PTPRD: variants seen among roughly 807,000 people sequenced by gnomAD.
PTPRD encodes the protein receptor-type tyrosine-protein phosphatase delta.
Under a neutral mutation model 214.5 loss-of-function variants are expected in PTPRD, and 34 were observed. The observed-to-expected ratio is 0.16, with a 90% CI of 0.12 to 0.21. The LOEUF (loss-of-function observed/expected upper bound fraction) is 0.21, where lower values mean the gene tolerates loss of function less well. Ranked by LOEUF, PTPRD falls within the 10% of genes least tolerant of loss-of-function variation. PTPRD has a pLI of 1.00. For missense variants in PTPRD, 2,545 were observed against 2,398.7 expected, an observed-to-expected ratio of 1.06 and a Z score of -1.27; for synonymous variants, 1,128 against 845.7, an observed-to-expected ratio of 1.33 and a Z score of -5.79.
At chr9:9,007,308 G>C (rs2099479203) in intron 11 of PTPRD, among the ~76,000 whole-genome samples, 1 of 150,288 alleles carries the variant, frequency 6.7e-6, no homozygotes, top group Non-Finnish European at 1.5e-5. Flanking sequence ...AGATGACTTT[G>C]TGCTAACTGG....
rs762428743 is a variant in PTPRD at position 8,485,882 on chromosome 9, T to C, written c.2935A>G (p.Met979Val). ...EQLIVPADTT[M>V]TLTGLKPDTT... ...TCTGGTTTTAAGCCAGTGAGTGTCA[T>C]AGTGGTGTCAGCTGGAACAATAAGC... Residue 979 changes from methionine (M) to valine (V), a missense_variant, in exon 28 of 46, where the codon ATG becomes GTG. Physicochemically the swap from Met to Val is conservative, Grantham distance 21. Coordinates refer to ENST00000381196, the MANE Select transcript of PTPRD (RefSeq NM_002839.4). The C allele has an allele frequency of 1.2e-5, 19 of 1,614,066 alleles. No individual in the cohort carries two copies. The highest frequency in any genetic ancestry group is 4.4e-5 in the South Asian group (4 of 91,080).
chr9:9,881,776 G>C (rs36095792), intron 5 of PTPRD, among the ~76,000 whole-genome samples: 4,293 of 152,194 alleles, frequency 0.028, 166 homozygotes, highest in African/African-American at 0.093. Context: ...CATATCATTT[G>C]CTTTAGCCAA....
intron 2 of PTPRD, among the ~76,000 whole-genome samples, chr9:10,489,857 G>A (rs1352848036): frequency 1.3e-5 from 2 of 152,112 alleles, no homozygotes; most frequent in Non-Finnish European, 1.5e-5. Flanking sequence ...CATGCATAAA[G>A]CTGCAGCTGC....
intron 12 of PTPRD, among the ~76,000 whole-genome samples, chr9:8,643,445 G>T (rs2096619925): frequency 1.3e-5 from 2 of 152,216 alleles, no homozygotes; most frequent in African/African-American, 4.8e-5. Flanking sequence ...GGTTATGAGT[G>T]AGAGAACTTC....
intron 2 of PTPRD, among the ~76,000 whole-genome samples, chr9:10,526,717 C>G (rs544281037): frequency 1.3e-5 from 2 of 152,048 alleles, no homozygotes; most frequent in African/African-American, 4.8e-5. Flanking sequence ...ATTTCTTCCA[C>G]CCACCCCTAC....
chr9:8,966,251 G>T (rs1004358482), intron 11 of PTPRD, among the ~76,000 whole-genome samples: 2 of 151,868 alleles, frequency 1.3e-5, no homozygotes, highest in African/African-American at 4.8e-5. Flanking sequence ...GAAAAAAACT[G>T]CTAATATTCA....
intron 9 of PTPRD, among the ~76,000 whole-genome samples, chr9:9,205,216 A>G (rs1327566452): frequency 2.6e-5 from 4 of 152,194 alleles, no homozygotes; most frequent in African/African-American, 9.6e-5. Context: ...TTTTCAAGTG[A>G]ATTCCCATCA....
intron 11 of PTPRD, among the ~76,000 whole-genome samples, chr9:8,946,823 C>T (rs55765429): frequency 0.015 from 2,312 of 151,966 alleles, 41 homozygotes; most frequent in African/African-American, 0.046. Context: ...TTTTTTTCCC[C>T]CCATAATTTC....
At chr9:9,671,432 A>C (rs1564449206) in intron 7 of PTPRD, among the ~76,000 whole-genome samples, 1 of 139,972 alleles carries the variant, frequency 7.1e-6, no homozygotes, top group African/African-American at 2.4e-5. Flanking sequence ...TTTTAGGTTA[A>C]TGCTGAAATG....
intron 10 of PTPRD, among the ~76,000 whole-genome samples, chr9:9,139,827 A>AT (rs1474575462): frequency 4.6e-5 from 7 of 152,222 alleles, no homozygotes; most frequent in African/African-American, 1.7e-4. Context: ...GTGGCTTTCT[A>AT]TGAGGTTGTG....
At chr9:8,728,508 T>C (rs2098613161) in intron 12 of PTPRD, among the ~76,000 whole-genome samples, 1 of 152,102 alleles carries the variant, frequency 6.6e-6, no homozygotes, top group Admixed American at 6.5e-5. Flanking sequence ...AAAACCAAAA[T>C]CTTTTTAATA....
chr9:8,347,074 C>A (rs1277297817), intron 39 of PTPRD, among the ~76,000 whole-genome samples: 2 of 151,462 alleles, frequency 1.3e-5, no homozygotes, highest in African/African-American at 4.8e-5. Flanking sequence ...GATGTTGGAT[C>A]ATATCCCCTG....
At chr9:10,381,501 G>A (rs538420637) in intron 2 of PTPRD, among the ~76,000 whole-genome samples, 1 of 152,002 alleles carries the variant, frequency 6.6e-6, no homozygotes, top group Admixed American at 6.6e-5. Flanking sequence ...TTTAAGCACA[G>A]AATTATGGTC....
At position 8,666,824 on chromosome 9, in the gene PTPRD, C is replaced by T. The variant is rs569171804; in HGVS notation, c.65-29980G>A. On this transcript the variant is annotated intron_variant, in intron 12 of 45. Coordinates refer to ENST00000381196, the MANE Select transcript of PTPRD (RefSeq NM_002839.4). The stretch of plus-strand genomic sequence containing the variant: ...TGAATGCTACACCACCTGGATTCAA[C>T]AATACATATCACTTTGGCCATCCAT... Among the ~76,000 whole-genome samples the T allele has an allele frequency of 5.9e-5, 9 of 152,272 alleles. No individual in the cohort carries two copies. In the South Asian group the frequency reaches 1.7e-3, roughly 28 times the overall value.
intron 8 of PTPRD, among the ~76,000 whole-genome samples, chr9:9,480,759 C>T (rs760867134): frequency 4.6e-5 from 7 of 151,880 alleles, no homozygotes; most frequent in Non-Finnish European, 7.4e-5. Flanking sequence ...GATAAAAATA[C>T]AACATTAACA....
At chr9:8,521,991 T>G (rs763594396) in intron 19 of PTPRD, among the ~76,000 whole-genome samples, 3 of 152,228 alleles carry the variant, frequency 2.0e-5, no homozygotes, top group Non-Finnish European at 4.4e-5. Context: ...CACTTCCAGT[T>G]GATGTGAATG....
intron 2 of PTPRD, among the ~76,000 whole-genome samples, chr9:10,595,212 A>T (rs1052253972): frequency 6.6e-6 from 1 of 151,938 alleles, no homozygotes; most frequent in Non-Finnish European, 1.5e-5. Flanking sequence ...GACTGTATTA[A>T]TTATCTAGGC....
At chr9:8,330,766 A>T (rs1447425537) in intron 44 of PTPRD, among the ~76,000 whole-genome samples, 1 of 152,170 alleles carries the variant, frequency 6.6e-6, no homozygotes, top group African/African-American at 2.4e-5. Context: ...CTATTTTGAG[A>T]TCCTGCCTTC....
intron 9 of PTPRD, among the ~76,000 whole-genome samples, chr9:9,185,515 T>A (rs10511522): frequency 0.17 from 26,209 of 152,030 alleles, 2,441 homozygotes; most frequent in Admixed American, 0.26. Flanking sequence ...AAGTCAACTT[T>A]CCGAGATTTA....
Sources: gnomAD v4.1 joint callset for allele counts (sites outside exome capture counted in the v4.1 genomes callset) on GRCh38, gnomAD v4.1.1 for gene constraint, MANE v1.5 for transcripts, NCBI Gene and HGNC (gene_info 2026-07-23, HGNC 2026-07-21) for gene names.